The following ASTN2 variants were observed in gnomAD, a reference collection of about 807,000 sequenced individuals.
The protein encoded by ASTN2 is astrotactin-2.
Under a neutral mutation model 139.8 loss-of-function variants are expected in ASTN2, and 54 were observed. The observed-to-expected ratio is 0.39, with a 90% CI of 0.31 to 0.48. The LOEUF is 0.48. ASTN2 is among the 20% of genes least tolerant of loss of function. The pLI, the probability that ASTN2 is intolerant of heterozygous loss-of-function variation, is 0.95. For missense variants in ASTN2, 1,565 were observed against 1,725.1 expected, an observed-to-expected ratio of 0.91 and a Z score of 1.64; for synonymous variants, 756 against 719.5, an observed-to-expected ratio of 1.05 and a Z score of -0.81.
At chr9:116,757,663 C>A (rs895779400) in intron 13 of ASTN2, among the ~76,000 whole-genome samples, 2 of 152,030 alleles carry the variant, frequency 1.3e-5, no homozygotes, top group African/African-American at 4.8e-5. Context: ...GTCTTATTAC[C>A]CCACTGCCCT....
At chr9:116,802,194 C>G (rs1037574339) in intron 13 of ASTN2, among the ~76,000 whole-genome samples, 9 of 150,588 alleles carry the variant, frequency 6.0e-5, no homozygotes, top group African/African-American at 2.2e-4. Context: ...TTACGCCCTT[C>G]TCCTGCCTCA....
intron 3 of ASTN2, among the ~76,000 whole-genome samples, chr9:117,142,594 GC>G (rs2132860182): frequency 6.6e-6 from 1 of 152,264 alleles, no homozygotes; most frequent in African/African-American, 2.4e-5. Context: ...ATTGTTAGTA[GC>G]CACATTTCCA....
chr9:116,688,098 G>T (rs967605848), intron 16 of ASTN2, among the ~76,000 whole-genome samples: 29 of 152,028 alleles, frequency 1.9e-4, no homozygotes, highest in African/African-American at 6.5e-4. Flanking sequence ...GAAATCTGGG[G>T]TGAGGAATTG....
intron 1 of ASTN2, among the ~76,000 whole-genome samples, chr9:117,312,810 T>A (rs1564140989): frequency 6.6e-6 from 1 of 152,138 alleles, no homozygotes; most frequent in Non-Finnish European, 1.5e-5. Context: ...AAGGATCAGA[T>A]GTCTAAGGCT....
intron 1 of ASTN2, among the ~76,000 whole-genome samples, chr9:117,395,740 G>A (rs201936484): frequency 3.6e-4 from 53 of 147,006 alleles, no homozygotes; most frequent in East Asian, 1.2e-3. Flanking sequence ...GTGCAAATAC[G>A]CAGAGTTACA....
At chr9:117,170,117 C>T (rs915419764) in intron 3 of ASTN2, among the ~76,000 whole-genome samples, 3 of 152,112 alleles carry the variant, frequency 2.0e-5, no homozygotes, top group African/African-American at 7.2e-5. Flanking sequence ...CTGCTAGACA[C>T]ACTGCATATA....
chr9:117,036,907 G>C (rs1290566329), intron 6 of ASTN2, among the ~76,000 whole-genome samples: 1 of 152,054 alleles, frequency 6.6e-6, no homozygotes, highest in Non-Finnish European at 1.5e-5. Flanking sequence ...CAAATCCTGG[G>C]TACATTTTAA....
intron 3 of ASTN2, among the ~76,000 whole-genome samples, chr9:117,150,803 C>T (rs563241174): frequency 6.6e-6 from 1 of 152,246 alleles, no homozygotes; most frequent in Admixed American, 6.5e-5. Context: ...CTCAAGTGAT[C>T]TTCCTGTCCC....
intron 11 of ASTN2, among the ~76,000 whole-genome samples, chr9:116,846,569 C>G (rs948401123): frequency 6.6e-6 from 1 of 152,160 alleles, no homozygotes; most frequent in African/African-American, 2.4e-5. Context: ...TGCTCACACA[C>G]ACTGATCACA....
intron 10 of ASTN2, among the ~76,000 whole-genome samples, chr9:116,920,779 C>T (rs1436570753): frequency 1.3e-5 from 2 of 152,146 alleles, no homozygotes; most frequent in South Asian, 4.1e-4. Flanking sequence ...ATTACTAACT[C>T]CATTTTACAG....
At chr9:117,312,794 A>C (rs901802603) in intron 1 of ASTN2, among the ~76,000 whole-genome samples, 4 of 152,094 alleles carry the variant, frequency 2.6e-5, no homozygotes, top group African/African-American at 9.7e-5. Flanking sequence ...CTAACCTTTG[A>C]AATGAAAGGA....
intron 13 of ASTN2, among the ~76,000 whole-genome samples, chr9:116,778,114 G>A (rs1404321089): frequency 1.3e-5 from 2 of 152,042 alleles, no homozygotes; most frequent in South Asian, 2.1e-4. Flanking sequence ...CAAAGTGCTG[G>A]GAGTACCATG....
At chr9:116,458,153 A>G (rs1238728140) in intron 20 of ASTN2, among the ~76,000 whole-genome samples, 1 of 149,648 alleles carries the variant, frequency 6.7e-6, no homozygotes, top group Non-Finnish European at 1.5e-5. Flanking sequence ...AATTAAAAAC[A>G]AAAAAAAAAT....
intron 19 of ASTN2, chr9:116,547,487 T>C (rs1297803683): frequency 2.0e-5 from 3 of 152,178 alleles, no homozygotes; most frequent in African/African-American, 7.2e-5. Flanking sequence ...AGGCTGAACT[T>C]TGGAATCAGG....
At chr9:116,727,922 C>G (rs545879240) in intron 15 of ASTN2, among the ~76,000 whole-genome samples, 1 of 152,280 alleles carries the variant, frequency 6.6e-6, no homozygotes, top group East Asian at 1.9e-4. Flanking sequence ...ATTTCTACTT[C>G]CCAGAGGGTG....
chr9:116,589,837 C>T (rs1854308210), intron 19 of ASTN2, among the ~76,000 whole-genome samples: 2 of 152,180 alleles, frequency 1.3e-5, no homozygotes, highest in African/African-American at 4.8e-5. Context: ...ATGATAAGTC[C>T]CCCTAGATGT....
intron 12 of ASTN2, among the ~76,000 whole-genome samples, chr9:116,807,096 A>T (rs1381582441): frequency 6.6e-6 from 1 of 152,240 alleles, no homozygotes; most frequent in African/African-American, 2.4e-5. Context: ...TATGTGCACA[A>T]AATGACCCTG....
chr9:117,291,284 C>T, intron 2 of ASTN2, 42 bp downstream of exon 2: 1 of 1,607,404 alleles, frequency 6.2e-7, no homozygotes, highest in Middle Eastern at 1.9e-4. Context: ...CATTCCTCCC[C>T]CACGCAATCC....
chr9:116,687,639 C>A (rs1015144294), intron 16 of ASTN2, among the ~76,000 whole-genome samples: 1 of 150,750 alleles, frequency 6.6e-6, no homozygotes, highest in African/African-American at 2.4e-5. Flanking sequence ...AAGAGATTTG[C>A]GGTTGCAGCA....
Sources: allele counts gnomAD v4.1 joint callset (sites outside exome capture counted in the v4.1 genomes callset), GRCh38; gene constraint gnomAD v4.1.1; transcripts MANE v1.5; gene names NCBI Gene and HGNC (gene_info 2026-07-23, HGNC 2026-07-21).